SRPK1: variants seen among roughly 807,000 people sequenced by gnomAD.
The protein encoded by SRPK1 is SFRS protein kinase 1.
Under a neutral mutation model 89.5 loss-of-function variants are expected in SRPK1, and 52 were observed. The ratio of observed to expected loss-of-function variants is 0.58; its 90% CI spans 0.46 to 0.73. The LOEUF is 0.73. SRPK1 is among the 30% of genes least tolerant of loss of function. The pLI, the probability that SRPK1 is intolerant of heterozygous loss-of-function variation, is 0.00. For synonymous variants in SRPK1, 255 were observed against 270.2 expected, an observed-to-expected ratio of 0.94 and a Z score of 0.55; for missense variants, 603 against 780.6, an observed-to-expected ratio of 0.77 and a Z score of 2.71.
In SRPK1 at chr6:35,886,755, A is replaced by G. The variant is rs911579374; in HGVS notation, c.447T>C (p.Asp149=). The part of the protein sequence containing the change: ...PNREMVVQLL[D]DFKISGVNGT... The stretch of plus-strand genomic sequence containing the variant: ...CATTAACTCCTGATATTTTAAAGTC[A>G]TCTAGTAGTTGAACAACCATTTCTC... Residue 149 remains aspartate, a synonymous_variant, in exon 6 of 16, where the codon GAT becomes GAC. Transcript: ENST00000373825. The G allele has an allele frequency of 1.9e-6, 3 of 1,609,750 alleles. No individual in the cohort carries two copies. The African/African-American group carries it at 4.0e-5, about 22-fold the overall frequency.
intron 13 of SRPK1, among the ~76,000 whole-genome samples, chr6:35,850,739 AAAC>A (rs1047481880): frequency 9.2e-5 from 14 of 152,218 alleles, no homozygotes; most frequent in African/African-American, 3.4e-4. Context: ...TATAGAAAGC[AAAC>A]AACAACAAAA....
At position 35,842,564 on chromosome 6, in the gene SRPK1, T is replaced by A; in HGVS notation, c.1661A>T (p.His554Leu). The change falls in exon 14 of 16, where the codon CAT (histidine) becomes CTT (leucine). Residue 554 changes from histidine to leucine, a missense_variant. By Grantham distance (99) the His-to-Leu change is moderately conservative (BLOSUM62 -3). Transcript: ENST00000373825. ...LATGDYLFEP[H>L]SGEEYTRDED... ...ATCTCGAGTGTACTCTTCCCCTGAA[T>A]GAGGTTCAAACAAATAGTCACCTGT... 6.2e-7 allele frequency: 1 copy of A among 1,612,448 alleles called. No individual in the cohort carries two copies. Among genetic ancestry groups the A allele is most frequent in the Non-Finnish European group, 8.5e-7 (1 of 1,179,374 alleles).
At chr6:35,878,219 A>C (rs1770197656) in intron 6 of SRPK1, among the ~76,000 whole-genome samples, 1 of 152,222 alleles carries the variant, frequency 6.6e-6, no homozygotes, top group Non-Finnish European at 1.5e-5. Context: ...ACTGAATGGA[A>C]TTAGGGCTTC....
intron 2 of SRPK1, among the ~76,000 whole-genome samples, chr6:35,906,059 T>G (rs994988286): frequency 3.3e-5 from 5 of 151,260 alleles, no homozygotes; most frequent in African/African-American, 9.7e-5. Flanking sequence ...GGGCAGAAAA[T>G]GTACAAGATA....
intron 3 of SRPK1, among the ~76,000 whole-genome samples, 168 bp from the exon 4 acceptor site, chr6:35,889,091 AC>A (rs2127257374): frequency 6.6e-6 from 1 of 152,344 alleles, no homozygotes; most frequent in African/African-American, 2.4e-5. Flanking sequence ...CAAATCAGCC[AC>A]ATAGTATTAC....
At chr6:35,869,331 G>A in intron 11 of SRPK1, 151 bp downstream of exon 11, 1 of 1,018,706 alleles carries the variant, frequency 9.8e-7, no homozygotes, top group East Asian at 2.5e-5. Context: ...GTACATGATG[G>A]ATAAAGTTAG....
At chr6:35,911,501 G>A (rs1249945785) in intron 2 of SRPK1, among the ~76,000 whole-genome samples, 2 of 152,098 alleles carry the variant, frequency 1.3e-5, no homozygotes, top group African/African-American at 4.8e-5. Flanking sequence ...GATGGCTTGA[G>A]CCCAGGAGTT....
At chr6:35,912,450 G>C (rs778684946) in intron 2 of SRPK1, among the ~76,000 whole-genome samples, 1 of 152,130 alleles carries the variant, frequency 6.6e-6, no homozygotes, top group South Asian at 2.1e-4. Context: ...TAGCAATAAC[G>C]TATTTTTAAA....
At chr6:35,887,589 G>C (rs1454948150) in intron 5 of SRPK1, among the ~76,000 whole-genome samples, 1 of 152,040 alleles carries the variant, frequency 6.6e-6, no homozygotes, top group African/African-American at 2.4e-5. Flanking sequence ...ATTTATCTCA[G>C]TTTCCAGGTA....
At chr6:35,849,641 C>T (rs1187386007) in intron 13 of SRPK1, among the ~76,000 whole-genome samples, 1 of 152,018 alleles carries the variant, frequency 6.6e-6, no homozygotes, top group Non-Finnish European at 1.5e-5. Context: ...GATAAACAGA[C>T]AATAAAATGT....
At chr6:35,915,267 C>G (rs540316152) in intron 2 of SRPK1, among the ~76,000 whole-genome samples, 1 of 152,014 alleles carries the variant, frequency 6.6e-6, no homozygotes, top group Non-Finnish European at 1.5e-5. Context: ...ATTAGCCAGG[C>G]ATGGTGGCGG....
rs534421202 is a variant in SRPK1, at chr6:35,875,256, T to TG, written c.479-918_479-917insC. On this transcript the variant is annotated intron_variant, in intron 6 of 15. Transcript: ENST00000373825. Reference sequence around the variant, plus strand: ...GTCACCAGCCAACATGGAGACTTCTTTTTTTTTTTTTTTTTTGAGACAGAG... The same window carrying TG: ...GTCACCAGCCAACATGGAGACTTCTTGTTTTTTTTTTTTTTTTGAGACAGAG... Among the ~76,000 whole-genome samples, 326 of 144,072 alleles carry TG rather than the reference T, an allele frequency of 2.3e-3. 1 individual carries two copies. Among genetic ancestry groups the TG allele is most frequent in the Non-Finnish European group, 2.8e-3 (185 of 65,484 alleles). The allele number at this position is 144,072 out of a possible 152,430, so 94.5% of individuals were successfully genotyped here. A position where few individuals can be genotyped will look rare whatever the true frequency, so the allele number is the denominator to read the frequency against.
intron 12 of SRPK1, 129 bp downstream of exon 12, chr6:35,868,881 T>TA (rs1278458375): frequency 5.1e-5 from 34 of 673,186 alleles, no homozygotes; most frequent in Non-Finnish European, 8.2e-5. Flanking sequence ...TTTTTAAATG[T>TA]AAAAAAATAT....
intron 8 of SRPK1, among the ~76,000 whole-genome samples, chr6:35,871,429 A>C (rs10947574): frequency 0.32 from 48,016 of 152,138 alleles, 7,822 homozygotes; most frequent in South Asian, 0.42. Flanking sequence ...TTAAAATATT[A>C]GTATAATAAC....
At chr6:35,843,884 T>A (rs1769371552) in intron 13 of SRPK1, among the ~76,000 whole-genome samples, 1 of 152,072 alleles carries the variant, frequency 6.6e-6, no homozygotes, top group Admixed American at 6.6e-5. Context: ...CCTCTTACAG[T>A]GCTCGAGAGT....
chr6:35,850,773 G>C (rs1769537207), intron 13 of SRPK1, among the ~76,000 whole-genome samples: 1 of 152,256 alleles, frequency 6.6e-6, no homozygotes, highest in African/African-American at 2.4e-5. Context: ...GTATCTCAGG[G>C]AGTGACAAGT....
intron 2 of SRPK1, among the ~76,000 whole-genome samples, chr6:35,892,907 G>A (rs1770552300): frequency 6.6e-6 from 1 of 152,120 alleles, no homozygotes. Flanking sequence ...TAAGACATAA[G>A]AAATACCTTG....
intron 2 of SRPK1, among the ~76,000 whole-genome samples, chr6:35,912,993 G>A (rs571503886): frequency 6.6e-6 from 1 of 152,308 alleles, no homozygotes; most frequent in South Asian, 2.1e-4. Context: ...TGTTGCCCAG[G>A]CTAATCTCAA....
At chr6:35,918,656 A>G (rs185732026) in intron 2 of SRPK1, among the ~76,000 whole-genome samples, 1 of 152,358 alleles carries the variant, frequency 6.6e-6, no homozygotes, top group Admixed American at 6.5e-5. Flanking sequence ...AAGTTGTTCA[A>G]GATGAAATAT....
Sources: gnomAD v4.1 joint callset for allele counts (sites outside exome capture counted in the v4.1 genomes callset) on GRCh38, gnomAD v4.1.1 for gene constraint, MANE v1.5 for transcripts, NCBI Gene and HGNC (gene_info 2026-07-23, HGNC 2026-07-21) for gene names.